GALNTL6: variants seen among roughly 807,000 people sequenced by gnomAD.
GALNTL6 encodes the protein polypeptide N-acetylgalactosaminyltransferase-like 6.
In GALNTL6, 46 loss-of-function variants were observed where a neutral mutation model predicts 73.7. That is an observed-to-expected ratio of 0.62 (90% confidence interval 0.49 to 0.80). GALNTL6 has a LOEUF of 0.80. Ranked by LOEUF, GALNTL6 falls within the 30% of genes least tolerant of loss-of-function variation. The probability of loss-of-function intolerance (pLI) is 0.00; values close to 1 mark genes in which losing one functional copy is unlikely to be tolerated. For synonymous variants in GALNTL6, 259 were observed against 263.7 expected (o/e 0.98, Z 0.17); for missense variants, 604 against 755.0 (o/e 0.80, Z 2.34).
At chr4:172,864,001 T>C (rs1198921657) in intron 7 of GALNTL6, among the ~76,000 whole-genome samples, 1 of 152,142 alleles carries the variant, frequency 6.6e-6, no homozygotes, top group African/African-American at 2.4e-5. Flanking sequence ...GTTTTATAAA[T>C]GGGATGCACA....
At chr4:171,950,518 T>C (rs528652586) in intron 2 of GALNTL6, among the ~76,000 whole-genome samples, 1 of 150,404 alleles carries the variant, frequency 6.6e-6, no homozygotes, top group South Asian at 2.1e-4. Flanking sequence ...TCTTGCTCTG[T>C]TGCCCAGACT....
At chr4:172,777,256 A>G (rs748212032) in intron 5 of GALNTL6, among the ~76,000 whole-genome samples, 1 of 152,202 alleles carries the variant, frequency 6.6e-6, no homozygotes, top group Non-Finnish European at 1.5e-5. Context: ...TACAAATAAT[A>G]TGTGATTCAT....
At chr4:172,799,258 T>TCA (rs1740465892) in intron 5 of GALNTL6, among the ~76,000 whole-genome samples, 1 of 152,202 alleles carries the variant, frequency 6.6e-6, no homozygotes, top group Non-Finnish European at 1.5e-5. Flanking sequence ...TACTCTATAG[T>TCA]CACATAGATT....
intron 5 of GALNTL6, among the ~76,000 whole-genome samples, chr4:172,754,330 G>A (rs997806759): frequency 6.6e-6 from 1 of 152,156 alleles, no homozygotes; most frequent in African/African-American, 2.4e-5. Context: ...TAGCACTTTG[G>A]AAGGCCAAGG....
chr4:172,129,401 A>G (rs1369400907), intron 2 of GALNTL6, among the ~76,000 whole-genome samples: 2 of 152,180 alleles, frequency 1.3e-5, no homozygotes, highest in African/African-American at 4.8e-5. Flanking sequence ...TGCATGAGGA[A>G]ACTCCACATT....
chr4:172,478,596 C>A (rs1199064943), intron 5 of GALNTL6, among the ~76,000 whole-genome samples: 1 of 151,886 alleles, frequency 6.6e-6, no homozygotes, highest in Non-Finnish European at 1.5e-5. Flanking sequence ...GGACATAGGC[C>A]TAGGCAAAGA....
intron 3 of GALNTL6, among the ~76,000 whole-genome samples, chr4:172,296,564 CA>C (rs1325431525): frequency 1.3e-5 from 2 of 152,064 alleles, no homozygotes; most frequent in Non-Finnish European, 2.9e-5. Context: ...TTCCTGTGTC[CA>C]TGTGTTCTCA....
chr4:172,658,466 CA>C (rs1207091609), intron 5 of GALNTL6, among the ~76,000 whole-genome samples: 151 of 53,570 alleles, frequency 2.8e-3, no homozygotes, highest in East Asian at 3.9e-3. Context: ...GACTCCGTCT[CA>C]AAAAAAAAAA....
intron 5 of GALNTL6, among the ~76,000 whole-genome samples, chr4:172,600,785 A>G (rs1738025864): frequency 6.6e-6 from 1 of 152,156 alleles, no homozygotes; most frequent in African/African-American, 2.4e-5. Context: ...ACAAAACTTG[A>G]AAACCAGCCT....
At chr4:172,406,430 C>CAT (rs926856497) in intron 5 of GALNTL6, among the ~76,000 whole-genome samples, 10 of 151,684 alleles carry the variant, frequency 6.6e-5, no homozygotes, top group South Asian at 2.1e-4. Context: ...TTAAATAATA[C>CAT]ATATATATAT....
At chr4:172,206,825 T>G (rs868797512) in intron 2 of GALNTL6, among the ~76,000 whole-genome samples, 3,395 of 90,732 alleles carry the variant, frequency 0.037, 390 homozygotes, top group Non-Finnish European at 0.051. Flanking sequence ...TTTGTTTTTT[T>G]TTTTTTTTTT....
chr4:171,947,993 T>C (rs1278765757), intron 2 of GALNTL6, among the ~76,000 whole-genome samples: 1 of 152,184 alleles, frequency 6.6e-6, no homozygotes, highest in Admixed American at 6.5e-5. Flanking sequence ...ACATAGCACC[T>C]TTTTCTTCCC....
rs539890270 is a variant in GALNTL6 at position 171,813,427 on chromosome 4, G to A, written c.-733G>A. On this transcript the variant is annotated 5_prime_UTR_variant, in exon 1 of 13. Transcript: ENST00000506823. The surrounding 1 kb of genome is among the most constrained non-coding windows in gnomAD (Gnocchi z 5.2). ...TGGCAGACACCAGCGACGTCTCCGC[G>A]GAAGGCAGGCGCCGGGGAGTGGGGC... is the stretch of plus-strand genomic sequence containing the variant. 1 of 152,364 alleles carries A rather than the reference G, an allele frequency of 6.6e-6. No individual in the cohort carries two copies. Among genetic ancestry groups the A allele is most frequent in the East Asian group, 1.9e-4 (1 of 5,166 alleles). 9.4% of individuals were successfully genotyped at this position (152,364 alleles called of 1,614,324 possible).
chr4:172,922,284 G>A (rs1251615369), intron 8 of GALNTL6, among the ~76,000 whole-genome samples: 5 of 151,998 alleles, frequency 3.3e-5, no homozygotes, highest in East Asian at 1.9e-4. Flanking sequence ...GCATGAAAAC[G>A]GACTAATACA....
chr4:172,105,207 TAAAA>T (rs1338845656), intron 2 of GALNTL6, among the ~76,000 whole-genome samples: 1 of 151,494 alleles, frequency 6.6e-6, no homozygotes, highest in Non-Finnish European at 1.5e-5. Context: ...ATCTTTAAAA[TAAAA>T]AAAGAACATA....
At chr4:172,656,263 G>A (rs1477611803) in intron 5 of GALNTL6, among the ~76,000 whole-genome samples, 3 of 152,088 alleles carry the variant, frequency 2.0e-5, no homozygotes, top group Non-Finnish European at 4.4e-5. Flanking sequence ...CCTTAATTCA[G>A]CCCCTGCTCC....
At chr4:172,182,774 C>A (rs914142653) in intron 2 of GALNTL6, among the ~76,000 whole-genome samples, 3 of 151,698 alleles carry the variant, frequency 2.0e-5, no homozygotes, top group Non-Finnish European at 4.4e-5. Flanking sequence ...TTATGACAAA[C>A]CGTAAATTCA....
At chr4:172,785,640 T>G (rs1214700580) in intron 5 of GALNTL6, among the ~76,000 whole-genome samples, 1 of 152,084 alleles carries the variant, frequency 6.6e-6, no homozygotes, top group African/African-American at 2.4e-5. Flanking sequence ...TCATAAGAGT[T>G]AAGAAAAATA....
At chr4:171,894,155 A>G (rs1022872717) in intron 2 of GALNTL6, among the ~76,000 whole-genome samples, 2 of 152,224 alleles carry the variant, frequency 1.3e-5, no homozygotes, top group African/African-American at 4.8e-5. Context: ...TGTATAATTT[A>G]TACTCACAAT....
Sources: gnomAD v4.1 joint callset for allele counts (sites outside exome capture counted in the v4.1 genomes callset) on GRCh38, gnomAD v4.1.1 for gene constraint, Gnocchi (gnomAD v3.1) non-coding constraint, MANE v1.5 for transcripts, NCBI Gene and HGNC (gene_info 2026-07-23, HGNC 2026-07-21) for gene names.